Variants in PEX6 observed in about 807,000 individuals in gnomAD.
The protein encoded by PEX6 is peroxisome biogenesis factor 6.
In PEX6, 55 loss-of-function variants were observed where a neutral mutation model predicts 85.6. That is an observed-to-expected ratio of 0.64 (90% CI 0.52 to 0.80). PEX6 has a LOEUF of 0.80. Ranked by LOEUF, PEX6 falls within the 30% of genes least tolerant of loss-of-function variation. The pLI is 0.00. For missense variants in PEX6, 1,099 were observed against 1,260.3 expected (o/e 0.87, Z 1.94); for synonymous variants, 519 against 549.1 (o/e 0.95, Z 0.77).
intron 1 of PEX6, among the ~76,000 whole-genome samples, chr6:42,977,861 G>A (rs1203158390): frequency 5.4e-5 from 4 of 74,242 alleles, no homozygotes; most frequent in Non-Finnish European, 1.0e-4. Flanking sequence ...TTTTTTTTTT[G>A]AGACAGAGTT....
At chr6:42,967,938 C>T (rs1178446172) in intron 7 of PEX6, among the ~76,000 whole-genome samples, 1 of 142,972 alleles carries the variant, frequency 7.0e-6, no homozygotes, top group Non-Finnish European at 1.5e-5. Context: ...GCTGGCCCCC[C>T]CGCTCCCCCT....
At chr6:42,978,122 G>T (rs1770381377) in intron 1 of PEX6, 147 bp downstream of exon 1, 1 of 959,434 alleles carries the variant, frequency 1.0e-6, no homozygotes, top group African/African-American at 1.6e-5. Context: ...TGGGATTACA[G>T]GCGTGAGTCA....
At chr6:42,974,442 GTTTTTTTTGTTTTTTT>G (rs1302453151) in intron 2 of PEX6, among the ~76,000 whole-genome samples, 1 of 115,946 alleles carries the variant, frequency 8.6e-6, no homozygotes, top group African/African-American at 3.4e-5. Flanking sequence ...TGTCTGAAAT[GTTTTTTTTGTTTTTTT>G]TTTTTTTTTT....
chr6:42,969,741 T>G lies in PEX6; in HGVS notation c.1294A>C (p.Ser432Arg), dbSNP rs775373588. 5.6e-6 allele frequency: 9 copies of G among 1,613,666 alleles called. No homozygotes were observed. The East Asian group carries it at 2.0e-4, about 36-fold the overall frequency. The change falls in exon 5 of 17, where the codon AGT becomes CGT. Residue 432 changes from serine (S) to arginine (R), a missense_variant. Physicochemically the swap from Ser to Arg is moderately radical, Grantham distance 110. Around this residue, in one of 3 missense-constraint regions of PEX6, gnomAD observed 579 missense variants for 611.6 expected, o/e 0.95. Coordinates refer to ENST00000304611, the MANE Select transcript of PEX6 (RefSeq NM_000287.4). Reference sequence around the variant, plus strand: ...GCCTCCAGGCCTGGAGGAGACAAACTGCTCCAGAGAGTGGATTCCTCTGAA... The same window carrying G: ...GCCTCCAGGCCTGGAGGAGACAAACGGCTCCAGAGAGTGGATTCCTCTGAA... ...LPSEESTLWSSLSPPGLEALV... is the reference protein window; with the variant it reads ...LPSEESTLWSRLSPPGLEALV...
Position 42,967,399 on chromosome 6 carries a change from A to T in PEX6, c.1853T>A (p.Val618Glu). Reference protein sequence around the residue: ...LTAHLPLGQEVNLAQLARRCA... With the variant: ...LTAHLPLGQEENLAQLARRCA... ...CCGCCGTGCTAGCTGTGCCAAGTTC[A>T]CCTCCTGGCCCAGGGGAAGGTGGGC... The change falls in exon 8 of 17, where the codon GTG becomes GAG. Residue 618 changes from valine (V) to glutamate (E), a missense_variant. Physicochemically the swap from Val to Glu is moderately radical, Grantham distance 121. Around this residue, in one of 3 missense-constraint regions of PEX6, gnomAD observed 514 missense variants for 627.0 expected, o/e 0.82. Coordinates refer to ENST00000304611, the MANE Select transcript of PEX6 (RefSeq NM_000287.4). 1 of 1,613,036 alleles carries T rather than the reference A, an allele frequency of 6.2e-7. No homozygotes were observed. The highest frequency in any genetic ancestry group is 1.3e-5 in the African/African-American group (1 of 74,964).
Position 42,967,554 on chromosome 6 carries a change from G to T in PEX6, c.1698C>A (p.Pro566=). The T allele has an allele frequency of 6.2e-7, 1 of 1,600,924 alleles. No homozygotes were observed. The highest frequency in any genetic ancestry group is 2.2e-5 in the East Asian group (1 of 44,456). Residue 566 remains proline, a synonymous_variant, in exon 8 of 17, where the codon CCC becomes CCA. Transcript: ENST00000304611. ...GGCTTGTGGTGGCCACAACCATGAG[G>T]GGAGGGCAGCTGCAGACAGAGGAGT... is the stretch of plus-strand genomic sequence containing the variant. The part of the protein sequence containing the change: ...LNEDPLNSCP[P]LMVVATTSRA...
intron 2 of PEX6, 54 bp from the exon 3 acceptor site, chr6:42,974,140 T>G: frequency 7.5e-7 from 1 of 1,327,734 alleles, no homozygotes; most frequent in Non-Finnish European, 1.1e-6. Flanking sequence ...TGAGCATGTG[T>G]TCATTACCAC....
At chr6:42,973,316 CTCT>C (rs140105465) in intron 3 of PEX6, among the ~76,000 whole-genome samples, 9,981 of 152,012 alleles carry the variant, frequency 0.066, 398 homozygotes, top group African/African-American at 0.11. Flanking sequence ...CTGGCCTAAA[CTCT>C]TCTTAGTGCT....
In PEX6 at chr6:42,964,462, G is replaced by T. The variant is rs1129187; in HGVS notation, c.2816C>A (p.Pro939Gln). 691,301 of 1,612,380 alleles carry T rather than the reference G, an allele frequency of 0.43. 152,134 individuals are homozygous for T. The highest frequency in any genetic ancestry group is 0.46 in the Middle Eastern group (2,666 of 5,768). ...RVHDLEEGLE[P>Q]GSSALMLTME... is the part of the protein sequence containing the mutation. ...GGTGAGCATCAGTGCTGAGCTACCT[G>T]GCTCCAGCCCTGGAGATGACAAGGT... is the stretch of plus-strand genomic sequence containing the variant. The change falls in exon 17 of 17, where the codon CCA becomes CAA. Residue 939 changes from proline to glutamine, a missense_variant. This residue lies in a region of PEX6 where 514 missense variants were observed against 627.0 expected (regional missense o/e 0.82). Coordinates refer to ENST00000304611, the MANE Select transcript of PEX6 (RefSeq NM_000287.4). The surrounding 1 kb of genome is among the most constrained non-coding windows in gnomAD (Gnocchi z 4.6).
chr6:42,972,543 G>A (rs2150233765), intron 3 of PEX6, among the ~76,000 whole-genome samples: 1 of 152,274 alleles, frequency 6.6e-6, no homozygotes, highest in South Asian at 2.1e-4. Context: ...GGCCGAGGCG[G>A]GCGGATCACA....
intron 5 of PEX6, 111 bp from the exon 6 acceptor site, chr6:42,969,096 T>G: frequency 1.3e-6 from 1 of 750,488 alleles, no homozygotes; most frequent in East Asian, 2.7e-5. Context: ...TTTCTCTCCT[T>G]GAGCCTCCCT....
rs375243798 is a variant in PEX6, at chr6:42,967,546, A to G, written c.1706T>C (p.Val569Ala). 4.2e-5 allele frequency: 68 copies of G among 1,603,412 alleles called. No individual in the cohort carries two copies. Among genetic ancestry groups the G allele is most frequent in the Non-Finnish European group, 5.8e-5 (68 of 1,175,964 alleles). Residue 569 changes from valine to alanine, a missense_variant, in exon 8 of 17, where the codon GTT (valine) becomes GCT (alanine). Transcript: ENST00000304611. ...CTGGGCCCGGCTTGTGGTGGCCACAACCATGAGGGGAGGGCAGCTGCAGAC... is the reference window on the plus strand; with the variant it reads ...CTGGGCCCGGCTTGTGGTGGCCACAGCCATGAGGGGAGGGCAGCTGCAGAC... ...DPLNSCPPLMVVATTSRAQDL... is the reference protein window; with the variant it reads ...DPLNSCPPLMAVATTSRAQDL...
Position 42,978,368 on chromosome 6 carries a change from C to A in PEX6, c.783G>T (p.Pro261=), listed in dbSNP as rs765629238. ...LSDRLGPGSG[P]LGEPLADGLA... is the part of the protein sequence containing the mutation. Reference sequence around the variant, plus strand: ...GTCCGTCAGCGAGGGGCTCTCCCAGCGGTCCAGAGCCGGGTCCCAGTCTAT... The same window carrying A: ...GTCCGTCAGCGAGGGGCTCTCCCAGAGGTCCAGAGCCGGGTCCCAGTCTAT... The change falls in exon 1 of 17, where the codon CCG becomes CCT. Residue 261 remains proline (P), a synonymous_variant. Transcript: ENST00000304611. 4.3e-6 allele frequency: 7 copies of A among 1,614,046 alleles called. No individual in the cohort carries two copies. The highest frequency in any genetic ancestry group is 5.9e-6 in the Non-Finnish European group (7 of 1,180,026).
chr6:42,965,778 C>T lies in PEX6; in HGVS notation c.2374G>A (p.Ala792Thr). The change falls in exon 13 of 17, where the codon GCC (alanine) becomes ACC (threonine). Residue 792 changes from alanine to threonine, a missense_variant. By Grantham distance (58) the Ala-to-Thr change is moderately conservative (BLOSUM62 0). Transcript: ENST00000304611. The surrounding 1 kb of genome is among the most constrained non-coding windows in gnomAD (Gnocchi z 5.0). ...ATAATGCATGGAGCTGCAGCCCTGG[C>T]CCTGGCAAACACTGAAGAGAGAGAG... is the stretch of plus-strand genomic sequence containing the variant. ...EENVREVFAR[A>T]RAAAPCIIFF... is the part of the protein sequence containing the mutation. 6.2e-7 allele frequency: 1 copy of T among 1,613,774 alleles called. No individual in the cohort carries two copies. Among genetic ancestry groups the T allele is most frequent in the Non-Finnish European group, 8.5e-7 (1 of 1,179,790 alleles).
Position 42,968,381 on chromosome 6 carries a change from G to A in PEX6, c.1597C>T (p.Leu533Phe). 6.2e-7 allele frequency: 1 copy of A among 1,614,152 alleles called. No individual in the cohort carries two copies. The highest frequency in any genetic ancestry group is 2.2e-5 in the East Asian group (1 of 44,876). The part of the protein sequence containing the change: ...PAVLLLTAVD[L>F]LGRDRDGLGE... Reference sequence around the variant, plus strand: ...AGCCCATCACGGTCCCGGCCCAGAAGGTCCACAGCTGTGAGCAACAGGACT... The same window carrying A: ...AGCCCATCACGGTCCCGGCCCAGAAAGTCCACAGCTGTGAGCAACAGGACT... Residue 533 changes from leucine (L) to phenylalanine (F), a missense_variant, in exon 7 of 17, where the codon CTT (leucine) becomes TTT (phenylalanine). Coordinates refer to ENST00000304611, the MANE Select transcript of PEX6 (RefSeq NM_000287.4).
Position 42,966,314 on chromosome 6 carries a change from T to C in PEX6, c.2228A>G (p.His743Arg), listed in dbSNP as rs1313804105. ...LGLRRSGLLL[H>R]GPPGTGKTLL... The stretch of plus-strand genomic sequence containing the variant: ...GGTCTTGCCGGTGCCAGGGGGCCCA[T>C]GGAGCAGAAGGCCTGAGCGTCTCAG... The change falls in exon 11 of 17, where the codon CAT (histidine) becomes CGT (arginine). Residue 743 changes from histidine to arginine, a missense_variant. His to Arg is a conservative substitution (Grantham distance 29). This residue lies in a region of PEX6 where 514 missense variants were observed against 627.0 expected (regional missense o/e 0.82). Coordinates refer to ENST00000304611, the MANE Select transcript of PEX6 (RefSeq NM_000287.4). 3 of 1,613,088 alleles carry C rather than the reference T, an allele frequency of 1.9e-6. No homozygotes were observed. Among genetic ancestry groups the C allele is most frequent in the African/African-American group, 1.3e-5 (1 of 74,920 alleles).
In PEX6 at chr6:42,964,271, C is replaced by A. The variant is rs1029686229; in HGVS notation, c.*64G>T. The stretch of plus-strand genomic sequence containing the variant: ...GAGGAGGAGCCCTTCCTTCCCAGAT[C>A]TCTCTGTGGGCTATCAAGGTACCTG... On this transcript the variant is annotated 3_prime_UTR_variant, in exon 17 of 17. Transcript: ENST00000304611. This position sits in a 1 kb window ranked among gnomAD's most constrained non-coding sequence, Gnocchi z 4.6. The A allele has an allele frequency of 6.3e-7, 1 of 1,594,786 alleles. No homozygotes were observed. Among genetic ancestry groups the A allele is most frequent in the African/African-American group, 1.3e-5 (1 of 74,682 alleles).
intron 1 of PEX6, among the ~76,000 whole-genome samples, chr6:42,975,521 C>CTTTCACATGTA (rs1204820059): frequency 6.6e-6 from 1 of 152,146 alleles, no homozygotes; most frequent in South Asian, 2.1e-4. Context: ...CATCCACTCC[C>CTTTCACATGTA]TTTCACATGT....
chr6:42,966,053 C>T lies in PEX6; in HGVS notation c.2353G>A (p.Val785Met), dbSNP rs747065131. 2.5e-6 allele frequency: 4 copies of T among 1,614,024 alleles called. No individual in the cohort carries two copies. The highest frequency in any genetic ancestry group is 2.2e-5 in the East Asian group (1 of 44,898). Residue 785 changes from valine to methionine, a missense_variant, in exon 12 of 17, where the codon GTG becomes ATG. By Grantham distance (21) the Val-to-Met change is conservative. Around this residue, in one of 3 missense-constraint regions of PEX6, gnomAD observed 514 missense variants for 627.0 expected, o/e 0.82. Transcript: ENST00000304611. ...CTCCCTGCTCACTCACCTTCCCGCA[C>T]ATTCTCCTCACTTTGGCCCACATAC... is the stretch of plus-strand genomic sequence containing the variant. ...NMYVGQSEEN[V>M]REVFARARAA...
Sources: allele counts gnomAD v4.1 joint callset (sites outside exome capture counted in the v4.1 genomes callset), GRCh38; gene constraint gnomAD v4.1.1; regional missense constraint gnomAD v4.1.1; non-coding constraint Gnocchi (gnomAD v3.1); transcripts MANE v1.5; gene names NCBI Gene and HGNC (gene_info 2026-07-23, HGNC 2026-07-21).